The following RPSA2 variants were observed in gnomAD, a reference collection of about 807,000 sequenced individuals.
RPSA2 encodes the protein ribosomal protein SA 2, also known as small ribosomal subunit protein uS2B.
At chr19:23,855,922 G>A in the RPSA2 span, among the ~76,000 whole-genome samples, 81 of 152,264 alleles carry the variant, frequency 5.3e-4, no homozygotes, top group East Asian at 5.0e-3. Context: ...GGAAGAGTTA[G>A]CATAGATATG....
At chr19:23,761,910 T>TCAA in the RPSA2 span, among the ~76,000 whole-genome samples, 1 of 93,488 alleles carries the variant, frequency 1.1e-5, no homozygotes, top group African/African-American at 4.5e-5. Flanking sequence ...AATTCTTTCT[T>TCAA]TCTTTCTTTC....
chr19:23,820,083 CAT>C, the RPSA2 span, among the ~76,000 whole-genome samples: 2 of 152,210 alleles, frequency 1.3e-5, no homozygotes. Flanking sequence ...CAAGTACTAA[CAT>C]GTTTCAATAT....
chr19:23,848,695 T>TA, the RPSA2 span, among the ~76,000 whole-genome samples: 19,072 of 152,276 alleles, frequency 0.13, 1,267 homozygotes, highest in Non-Finnish European at 0.14. Flanking sequence ...GTACTGCATT[T>TA]GCATGTGATG....
the RPSA2 span, among the ~76,000 whole-genome samples, chr19:23,770,749 G>T: frequency 6.6e-6 from 1 of 152,122 alleles, no homozygotes; most frequent in African/African-American, 2.4e-5. Flanking sequence ...TGACTCTGCT[G>T]ACTGTATTCT....
the RPSA2 span, among the ~76,000 whole-genome samples, chr19:23,777,763 AC>A: frequency 6.6e-6 from 1 of 152,134 alleles, no homozygotes; most frequent in African/African-American, 2.4e-5. Context: ...TGGGCTCAGC[AC>A]CCAGGTGATG....
At chr19:23,818,473 T>G in the RPSA2 span, 5 of 152,642 alleles carry the variant, frequency 3.3e-5, no homozygotes, top group Non-Finnish European at 7.3e-5. Flanking sequence ...TTAGTTAGGC[T>G]GAACTTTCTA....
the RPSA2 span, among the ~76,000 whole-genome samples, chr19:23,839,876 C>T: frequency 6.6e-6 from 1 of 152,228 alleles, no homozygotes; most frequent in East Asian, 1.9e-4. Flanking sequence ...CACAAACAGA[C>T]TTTCAGTTTC....
At chr19:23,809,760 T>C in the RPSA2 span, among the ~76,000 whole-genome samples, 1 of 151,832 alleles carries the variant, frequency 6.6e-6, no homozygotes, top group East Asian at 1.9e-4. Context: ...TATATAAGAT[T>C]ACATGGTCTA....
the RPSA2 span, among the ~76,000 whole-genome samples, chr19:23,858,381 C>G: frequency 6.6e-6 from 1 of 152,098 alleles, no homozygotes; most frequent in Non-Finnish European, 1.5e-5. Flanking sequence ...CTAGATTACA[C>G]TTGTACCCAA....
chr19:23,860,892 C>G, the RPSA2 span, among the ~76,000 whole-genome samples: 1 of 152,186 alleles, frequency 6.6e-6, no homozygotes, highest in Non-Finnish European at 1.5e-5. Context: ...CTGCCAATTT[C>G]ATAACTTGCT....
At chr19:23,767,436 G>A in the RPSA2 span, among the ~76,000 whole-genome samples, 2 of 152,050 alleles carry the variant, frequency 1.3e-5, no homozygotes, top group African/African-American at 2.4e-5. Context: ...TCAAATGTTC[G>A]CATTGATGAG....
chr19:23,761,052 G>GTATATA, the RPSA2 span, among the ~76,000 whole-genome samples: 8,951 of 147,944 alleles, frequency 0.061, 601 homozygotes, highest in African/African-American at 0.15. Context: ...GTATATATGT[G>GTATATA]TATATATATA....
At chr19:23,794,469 G>A in the RPSA2 span, among the ~76,000 whole-genome samples, 1 of 152,082 alleles carries the variant, frequency 6.6e-6, no homozygotes. Flanking sequence ...TTACATGCTT[G>A]TTAGCCACGT....
At chr19:23,764,702 A>G in the RPSA2 span, among the ~76,000 whole-genome samples, 1 of 150,400 alleles carries the variant, frequency 6.6e-6, no homozygotes, top group Non-Finnish European at 1.5e-5. Flanking sequence ...CTGGTCTTGA[A>G]CTCCTGACCT....
the RPSA2 span, among the ~76,000 whole-genome samples, chr19:23,779,350 C>G: frequency 9.2e-5 from 14 of 152,142 alleles, no homozygotes; most frequent in Non-Finnish European, 1.9e-4. Flanking sequence ...TTCTCCATTG[C>G]TTGGACTCTG....
the RPSA2 span, among the ~76,000 whole-genome samples, chr19:23,852,451 C>T: frequency 0.98 from 148,912 of 152,242 alleles, 72,920 homozygotes; most frequent in Middle Eastern, 1. Flanking sequence ...TACGTATTTA[C>T]TAACAGCAAA....
At chr19:23,844,663 CA>C in the RPSA2 span, among the ~76,000 whole-genome samples, 7 of 150,896 alleles carry the variant, frequency 4.6e-5, no homozygotes, top group African/African-American at 1.7e-4. Flanking sequence ...ATTTGCTGTG[CA>C]AAAACTTTTT....
the RPSA2 span, among the ~76,000 whole-genome samples, chr19:23,829,380 C>T: frequency 4.6e-5 from 7 of 152,008 alleles, no homozygotes; most frequent in East Asian, 1.9e-4. Context: ...TGGCTCACCG[C>T]AATCTCCGCC....
chr19:23,859,952 C>T, the RPSA2 span, among the ~76,000 whole-genome samples: 2 of 152,204 alleles, frequency 1.3e-5, no homozygotes, highest in South Asian at 2.1e-4. Flanking sequence ...ATGATTTAAC[C>T]ATGTTTACGA....
Sources: allele counts gnomAD v4.1 joint callset (sites outside exome capture counted in the v4.1 genomes callset), GRCh38; gene constraint gnomAD v4.1.1; transcripts MANE v1.5; gene names NCBI Gene and HGNC (gene_info 2026-07-23, HGNC 2026-07-21).